AGBL1: variants seen among roughly 807,000 people sequenced by gnomAD.
AGBL1 encodes AGBL carboxypeptidase 1.
Under a neutral mutation model 118.9 loss-of-function variants are expected in AGBL1, and 130 were observed. The ratio of observed to expected loss-of-function variants is 1.09; its 90% CI spans 0.95 to 1.26. The LOEUF is 1.26. AGBL1 is among the 50% of genes most tolerant of loss of function. The pLI, the probability that AGBL1 is intolerant of heterozygous loss-of-function variation, is 0.00. For synonymous variants in AGBL1, 555 were observed against 478.9 expected (o/e 1.16, Z -2.08); for missense variants, 1,584 against 1,298.1 (o/e 1.22, Z -3.38).
At chr15:86,540,222 A>G in intron 19 of AGBL1, among the ~76,000 whole-genome samples, 1 of 152,172 alleles carries the variant, frequency 6.6e-6, no homozygotes, top group East Asian at 1.9e-4. Context: ...GTGCTGTGTT[A>G]TATTAAAATT....
intron 1 of AGBL1, chr15:86,109,684 T>C (rs1897248572): frequency 1.3e-5 from 2 of 152,248 alleles, no homozygotes; most frequent in Non-Finnish European, 2.9e-5. Flanking sequence ...ATCAAACTTC[T>C]TTTAAGAACT....
intron 22 of AGBL1, among the ~76,000 whole-genome samples, chr15:86,753,609 G>T (rs373318718): frequency 2.0e-5 from 3 of 151,898 alleles, no homozygotes; most frequent in South Asian, 4.2e-4. Context: ...TATTGGCCAG[G>T]CTTGTCTTGA....
At chr15:86,883,434 G>A (rs2079924011) in intron 22 of AGBL1, among the ~76,000 whole-genome samples, 1 of 152,152 alleles carries the variant, frequency 6.6e-6, no homozygotes, top group Non-Finnish European at 1.5e-5. Context: ...TTGTGTGTGT[G>A]AGTCTTCTCC....
chr15:86,417,450 A>G (rs533944872), intron 18 of AGBL1, among the ~76,000 whole-genome samples: 1 of 152,332 alleles, frequency 6.6e-6, no homozygotes, highest in Non-Finnish European at 1.5e-5. Flanking sequence ...AATGCAATAA[A>G]TGTTCATTGA....
intron 5 of AGBL1, among the ~76,000 whole-genome samples, chr15:86,177,919 GAAATAAGAA>G (rs1176821542): frequency 6.6e-6 from 1 of 151,918 alleles, no homozygotes; most frequent in Non-Finnish European, 1.5e-5. Flanking sequence ...TAAAATGAAG[GAAATAAGAA>G]AAATCAGAAT....
chr15:86,211,594 G>C (rs1441653242), intron 5 of AGBL1, among the ~76,000 whole-genome samples: 1 of 152,200 alleles, frequency 6.6e-6, no homozygotes, highest in Non-Finnish European at 1.5e-5. Context: ...GTCGATCTCA[G>C]ACTGCTGTGC....
chr15:86,152,135 C>A (rs894721300), intron 3 of AGBL1, among the ~76,000 whole-genome samples: 1 of 150,900 alleles, frequency 6.6e-6, no homozygotes, highest in Non-Finnish European at 1.5e-5. Context: ...ATCAAGCTAC[C>A]AATGACTTTC....
rs370339681 is a variant in AGBL1, at chr15:86,397,542, G to A, written c.2551G>A (p.Gly851Ser). The A allele has an allele frequency of 1.2e-5, 19 of 1,605,020 alleles. No homozygotes were observed. Among genetic ancestry groups the A allele is most frequent in the Admixed American group, 1.7e-5 (1 of 59,134 alleles). The change falls in exon 18 of 23, where the codon GGC becomes AGC. Residue 851 changes from glycine to serine, a missense_variant. Gly to Ser is a moderately conservative substitution (Grantham distance 56). Coordinates refer to ENST00000614907, the MANE Select transcript of AGBL1 (RefSeq NM_001386094.1). ...GCTCAACCCAGATGGTGTCATCAACGGCAAGTATGTCAGGCACCTGGCTCA... is the reference window on the plus strand; with the variant it reads ...GCTCAACCCAGATGGTGTCATCAACAGCAAGTATGTCAGGCACCTGGCTCA... ...PMLNPDGVIN[G>S]NHRCSLSGED...
intron 21 of AGBL1, chr15:86,556,225 T>C (rs765305164): frequency 3.1e-6 from 5 of 1,612,442 alleles, no homozygotes; most frequent in South Asian, 1.1e-5. Context: ...CTGTGCAGTG[T>C]ACACAGAGGC....
chr15:86,371,502 A>G (rs1021442518), intron 17 of AGBL1, among the ~76,000 whole-genome samples: 3 of 152,156 alleles, frequency 2.0e-5, no homozygotes, highest in Admixed American at 2.0e-4. Context: ...CATATGTAAT[A>G]TTTATCACAT....
intron 18 of AGBL1, among the ~76,000 whole-genome samples, chr15:86,481,453 T>C (rs1460246049): frequency 6.6e-6 from 1 of 152,138 alleles, no homozygotes; most frequent in African/African-American, 2.4e-5. Flanking sequence ...TTCTGCGTTC[T>C]TTTATTATTC....
chr15:86,563,066 C>A (rs1428583679), intron 21 of AGBL1, among the ~76,000 whole-genome samples: 2 of 152,002 alleles, frequency 1.3e-5, no homozygotes, highest in Admixed American at 1.3e-4. Flanking sequence ...AGCAGTCTAT[C>A]AATTTTGTTG....
At chr15:86,446,351 G>A (rs143019599) in intron 18 of AGBL1, among the ~76,000 whole-genome samples, 1 of 152,326 alleles carries the variant, frequency 6.6e-6, no homozygotes. Context: ...CTCTGGTGTT[G>A]CATAGGATCT....
Position 86,491,035 on chromosome 15 carries a change from A to T in AGBL1, c.2556-31775A>T, listed in dbSNP as rs568447624. Among the ~76,000 whole-genome samples the T allele has an allele frequency of 5.9e-5, 9 of 152,250 alleles. No homozygotes were observed. The South Asian group carries it at 1.9e-3, about 32-fold the overall frequency. On this transcript the variant is annotated intron_variant, in intron 18 of 22. Coordinates refer to ENST00000614907, the MANE Select transcript of AGBL1 (RefSeq NM_001386094.1). ...TTGTCTAGCACTGTGGTTATACAAAAATATATTTATTTCTCCTTAAGTGGC... is the reference window on the plus strand; with the variant it reads ...TTGTCTAGCACTGTGGTTATACAAATATATATTTATTTCTCCTTAAGTGGC...
chr15:86,895,506 G>T (rs1009727295), intron 22 of AGBL1, among the ~76,000 whole-genome samples: 4 of 151,660 alleles, frequency 2.6e-5, no homozygotes, highest in Non-Finnish European at 4.4e-5. Flanking sequence ...TTTCTCCATG[G>T]GAAGATGTAT....
chr15:86,248,771 A>C (rs74426032), intron 7 of AGBL1, among the ~76,000 whole-genome samples: 567 of 152,326 alleles, frequency 3.7e-3, no homozygotes, highest in African/African-American at 0.013. Context: ...AAAGAATCCA[A>C]TGAGGAAGAT....
chr15:86,457,012 A>G (rs1567000916), intron 18 of AGBL1, among the ~76,000 whole-genome samples: 1 of 152,140 alleles, frequency 6.6e-6, no homozygotes, highest in Non-Finnish European at 1.5e-5. Context: ...ACACACCGCT[A>G]TTTGCCTTGT....
At chr15:86,981,512 A>G (rs1037725523) in intron 23 of AGBL1, among the ~76,000 whole-genome samples, 4 of 152,156 alleles carry the variant, frequency 2.6e-5, no homozygotes, top group African/African-American at 9.7e-5. Flanking sequence ...TATTTTGTTC[A>G]TGATCTTTGT....
intron 5 of AGBL1, among the ~76,000 whole-genome samples, chr15:86,180,447 T>C (rs2077536851): frequency 6.6e-6 from 1 of 152,132 alleles, no homozygotes; most frequent in Non-Finnish European, 1.5e-5. Context: ...GTTCAATAAA[T>C]GGTGCTGGAA....
Sources: allele counts gnomAD v4.1 joint callset (sites outside exome capture counted in the v4.1 genomes callset), GRCh38; gene constraint gnomAD v4.1.1; transcripts MANE v1.5; gene names NCBI Gene and HGNC (gene_info 2026-07-23, HGNC 2026-07-21).